Variants in LAMA3 observed in about 807,000 individuals in gnomAD.
LAMA3 encodes laminin subunit alpha 3.
A neutral mutation model predicts 402.0 loss-of-function variants in LAMA3; 281 were observed. The observed-to-expected ratio is 0.70, with a 90% CI of 0.63 to 0.77. The LOEUF is 0.77. LAMA3 is among the 30% of genes least tolerant of loss of function. The pLI is 0.00. For synonymous variants in LAMA3, 1,431 were observed against 1,558.4 expected (o/e 0.92, Z 1.93); for missense variants, 3,840 against 4,215.5 (o/e 0.91, Z 2.47).
intron 22 of LAMA3, among the ~76,000 whole-genome samples, chr18:23,827,021 T>C (rs2144458214): frequency 6.6e-6 from 1 of 152,348 alleles, no homozygotes; most frequent in African/African-American, 2.4e-5. Context: ...CCCTCCAGCA[T>C]GTGGGAATGT....
chr18:23,830,138 A>T (rs377764472), intron 23 of LAMA3, among the ~76,000 whole-genome samples: 6 of 152,114 alleles, frequency 3.9e-5, no homozygotes, highest in East Asian at 1.9e-4. Context: ...CTTATGTTTT[A>T]TCACCTATTA....
At position 23,766,492 on chromosome 18, in the gene LAMA3, G is replaced by T. The variant is rs371881072; in HGVS notation, c.1182+2969G>T. On this transcript the variant is annotated intron_variant, in intron 8 of 74. Transcript: ENST00000313654. ...ACGAGATGGAAACTCAGATCTTTAG[G>T]AAGAAATGAAGAGTATGGTATGTGT... Among the ~76,000 whole-genome samples, 128 of 152,250 alleles carry T rather than the reference G, an allele frequency of 8.4e-4. 3 individuals are homozygous for T. The South Asian group carries it at 0.026, about 30-fold the overall frequency.
At position 23,716,252 on chromosome 18, in the gene LAMA3, C is replaced by T. The variant is rs1005020547; in HGVS notation, c.447+2180C>T. On this transcript the variant is annotated intron_variant, in intron 2 of 74. Coordinates refer to ENST00000313654, the MANE Select transcript of LAMA3 (RefSeq NM_198129.4). ...GGCTTACTGCAACCTCTGCCTCCCACGCTCAAGTGATTCTGGTGCGTCAGC... is the reference window on the plus strand; with the variant it reads ...GGCTTACTGCAACCTCTGCCTCCCATGCTCAAGTGATTCTGGTGCGTCAGC... Among the ~76,000 whole-genome samples, 7 of 151,982 alleles carry T rather than the reference C, an allele frequency of 4.6e-5. No individual in the cohort carries two copies. The South Asian group carries it at 6.2e-4, about 14-fold the overall frequency.
intron 2 of LAMA3, among the ~76,000 whole-genome samples, chr18:23,740,787 G>T (rs770659604): frequency 6.6e-6 from 1 of 152,136 alleles, no homozygotes; most frequent in Non-Finnish European, 1.5e-5. Context: ...AATGCAGTGA[G>T]TTCCCCTCAG....
At chr18:23,954,408 A>AG (rs956758192) in intron 74 of LAMA3, 95 bp from the exon 75 acceptor site, 60 of 1,136,206 alleles carry the variant, frequency 5.3e-5, no homozygotes, top group Non-Finnish European at 7.5e-5. Flanking sequence ...GTCTAAAAAA[A>AG]AAAAAAAAAA....
At chr18:23,877,401 T>C (rs542019910) in intron 39 of LAMA3, among the ~76,000 whole-genome samples, 37 of 152,340 alleles carry the variant, frequency 2.4e-4, no homozygotes, top group Admixed American at 3.9e-4. Flanking sequence ...AGAGTTCTTC[T>C]TGGTAACCAG....
At chr18:23,729,474 TATTA>T (rs2061355179) in intron 2 of LAMA3, among the ~76,000 whole-genome samples, 1 of 152,184 alleles carries the variant, frequency 6.6e-6, no homozygotes, top group Non-Finnish European at 1.5e-5. Flanking sequence ...TCATTTAGAG[TATTA>T]ATTGTATTAA....
chr18:23,939,815 C>T (rs1027285302), intron 68 of LAMA3, among the ~76,000 whole-genome samples: 12 of 152,144 alleles, frequency 7.9e-5, no homozygotes, highest in African/African-American at 2.9e-4. Context: ...CCTTTTTGCG[C>T]TAACAAGTTG....
intron 23 of LAMA3, among the ~76,000 whole-genome samples, chr18:23,828,676 G>A (rs1198232561): frequency 6.6e-6 from 1 of 152,152 alleles, no homozygotes; most frequent in African/African-American, 2.4e-5. Context: ...GACTCATCTA[G>A]GAGGTTCTAA....
At chr18:23,862,084 C>A (rs753884108) in intron 35 of LAMA3, among the ~76,000 whole-genome samples, 5 of 152,210 alleles carry the variant, frequency 3.3e-5, no homozygotes, top group Non-Finnish European at 7.3e-5. Flanking sequence ...AAGAATTTTC[C>A]TCCAGGGAAA....
At chr18:23,828,321 A>G (rs2144474885) in intron 23 of LAMA3, among the ~76,000 whole-genome samples, 1 of 152,334 alleles carries the variant, frequency 6.6e-6, no homozygotes, top group African/African-American at 2.4e-5. Context: ...GTTTTTAAGT[A>G]TATTTCTTAA....
chr18:23,722,987 G>A (rs918507218), intron 2 of LAMA3, among the ~76,000 whole-genome samples: 1 of 152,068 alleles, frequency 6.6e-6, no homozygotes, highest in African/African-American at 2.4e-5. Flanking sequence ...CTGTGGGCTG[G>A]GGAGAGGAAC....
At chr18:23,703,034 T>C (rs1267096317) in intron 1 of LAMA3, among the ~76,000 whole-genome samples, 2 of 152,244 alleles carry the variant, frequency 1.3e-5, no homozygotes, top group Non-Finnish European at 2.9e-5. Flanking sequence ...ACCATCAATG[T>C]AGCTACTTCT....
chr18:23,781,444 T>C (rs1041375309), intron 11 of LAMA3, among the ~76,000 whole-genome samples: 48 of 152,214 alleles, frequency 3.2e-4, no homozygotes, highest in African/African-American at 1.1e-3. Context: ...AGATTAACAG[T>C]AAAAAAGCAT....
chr18:23,853,920 A>G (rs925756527), intron 32 of LAMA3, among the ~76,000 whole-genome samples: 1 of 152,224 alleles, frequency 6.6e-6, no homozygotes, highest in Non-Finnish European at 1.5e-5. Context: ...AAACTTCCCT[A>G]TTGTCCTGGC....
rs116972908 is a variant in LAMA3, at chr18:23,856,657, G to A, written c.4137-1187G>A. On this transcript the variant is annotated intron_variant, in intron 32 of 74. Coordinates refer to ENST00000313654, the MANE Select transcript of LAMA3 (RefSeq NM_198129.4). ...GACCTGCAGATGGTTGAGGGTGGAT[G>A]ACTCAGAGTGACCCTCCCACCCCCC... is the stretch of plus-strand genomic sequence containing the variant. Among the ~76,000 whole-genome samples, 1,367 of 152,270 alleles carry A rather than the reference G, an allele frequency of 9.0e-3. 8 individuals are homozygous for A. The highest frequency in any genetic ancestry group is 0.013 in the Non-Finnish European group (860 of 68,018).
intron 6 of LAMA3, among the ~76,000 whole-genome samples, chr18:23,758,162 C>T (rs1370000079): frequency 6.6e-6 from 1 of 152,220 alleles, no homozygotes; most frequent in Non-Finnish European, 1.5e-5. Flanking sequence ...TGACCCTTGG[C>T]AGGTATCTTA....
chr18:23,892,199 A>T (rs1211766286), intron 42 of LAMA3, among the ~76,000 whole-genome samples: 1 of 152,200 alleles, frequency 6.6e-6, no homozygotes, highest in Non-Finnish European at 1.5e-5. Flanking sequence ...GGTATTCAAG[A>T]AGCTTCAACA....
At chr18:23,872,315 C>G (rs2064549689) in intron 38 of LAMA3, among the ~76,000 whole-genome samples, 1 of 152,130 alleles carries the variant, frequency 6.6e-6, no homozygotes. Flanking sequence ...TGTTTGAGGT[C>G]CAGTCAACCA....
Sources: allele counts gnomAD v4.1 joint callset (sites outside exome capture counted in the v4.1 genomes callset), GRCh38; gene constraint gnomAD v4.1.1; transcripts MANE v1.5; gene names NCBI Gene and HGNC (gene_info 2026-07-23, HGNC 2026-07-21).